TDRD1: variants seen among roughly 807,000 people sequenced by gnomAD.
TDRD1 encodes tudor domain-containing protein 1.
TDRD1 carries 37 observed loss-of-function variants against 140.6 expected under a neutral mutation model. The observed-to-expected ratio is 0.26, with a 90% confidence interval of 0.20 to 0.35. TDRD1 has a LOEUF of 0.35. Ranked by LOEUF, TDRD1 falls within the 10% of genes least tolerant of loss-of-function variation. TDRD1 has a pLI of 1.00. For synonymous variants in TDRD1, 506 were observed against 475.7 expected (o/e 1.06, Z -0.83); for missense variants, 1,243 against 1,393.0 (o/e 0.89, Z 1.71).
rs1350797191 is a variant in TDRD1, at chr10:114,206,347, A to G, written c.1384+17A>G. 6 of 1,597,324 alleles carry G rather than the reference A, an allele frequency of 3.8e-6. No individual in the cohort carries two copies. The highest frequency in any genetic ancestry group is 2.2e-5 in the South Asian group (2 of 90,606). On this transcript the variant is annotated intron_variant, in intron 11 of 25. Coordinates refer to ENST00000251864, the Ensembl canonical transcript of TDRD1. ...CAGATCAAAGTGAGTATAGATTGAT[A>G]TTGAACGGTATAGCGACTTCAGTTA...
chr10:114,176,359 A>G (rs950996650), upstream of TDRD1, among the ~76,000 whole-genome samples: 1 of 152,084 alleles, frequency 6.6e-6, no homozygotes, highest in East Asian at 1.9e-4. This position sits in a 1 kb window ranked among gnomAD's most constrained non-coding sequence, Gnocchi z 4.2. Flanking sequence ...TTAAAGAGAA[A>G]CCCCTTTTTA....
exon 2 of TDRD1, chr10:114,188,124 G>T (rs376661712): frequency 6.3e-7 from 1 of 1,592,678 alleles, no homozygotes; most frequent in South Asian, 1.1e-5. Context: ...GAAGTAGTTG[G>T]CTCCAAAGGA....
At chr10:114,204,106 G>T (rs1336520059) in exon 9 of TDRD1, 2 of 1,607,112 alleles carry the variant, frequency 1.2e-6, no homozygotes, top group South Asian at 2.2e-5. Context: ...AAACGTTGAT[G>T]TGCAGCAAAA....
chr10:114,231,453 G>A, intron 25 of TDRD1: 1 of 1,568,552 alleles, frequency 6.4e-7, no homozygotes, highest in Non-Finnish European at 8.7e-7. Context: ...TTTGTGTAAG[G>A]CATAATGATA....
At chr10:114,218,466 T>C (rs542040132) in exon 18 of TDRD1, 10 of 1,611,292 alleles carry the variant, frequency 6.2e-6, no homozygotes, top group Non-Finnish European at 7.6e-6. Flanking sequence ...CAAATGGACA[T>C]GTTAAAGTAC....
intron 11 of TDRD1, among the ~76,000 whole-genome samples, chr10:114,209,136 T>C (rs542950594): frequency 6.6e-6 from 1 of 152,222 alleles, no homozygotes; most frequent in Admixed American, 6.5e-5. Context: ...GGAGGAGGGC[T>C]TGGAGACCAG....
intron 2 of TDRD1, 111 bp downstream of exon 2, chr10:114,188,267 T>C (rs1378092808): frequency 8.1e-6 from 7 of 867,214 alleles, no homozygotes; most frequent in Non-Finnish European, 1.2e-5. Context: ...GGCACATGAC[T>C]ACCTTACCGT....
At chr10:114,220,040 G>T (rs1317684100) in intron 18 of TDRD1, among the ~76,000 whole-genome samples, 1 of 152,146 alleles carries the variant, frequency 6.6e-6, no homozygotes, top group Non-Finnish European at 1.5e-5. Context: ...AGAAACTCTG[G>T]GTAGGGCCCC....
chr10:114,216,587 C>A (rs933965272), intron 16 of TDRD1, among the ~76,000 whole-genome samples: 20 of 152,152 alleles, frequency 1.3e-4, no homozygotes, highest in African/African-American at 4.8e-4. Flanking sequence ...GGTTTCCAAG[C>A]TTTTATTACT....
At chr10:114,197,172 C>G (rs549506798) in intron 3 of TDRD1, among the ~76,000 whole-genome samples, 23 of 152,122 alleles carry the variant, frequency 1.5e-4, no homozygotes, top group African/African-American at 5.5e-4. Context: ...GAGTATTTCT[C>G]AGCCCTACCT....
exon 2 of TDRD1, chr10:114,187,828 C>G: frequency 6.4e-7 from 1 of 1,566,030 alleles, no homozygotes; most frequent in Non-Finnish European, 8.6e-7. Context: ...CTCCTTAGGC[C>G]TCGATGAGTG....
intron 17 of TDRD1, among the ~76,000 whole-genome samples, chr10:114,218,099 C>G (rs1440009896): frequency 6.6e-6 from 1 of 152,158 alleles, no homozygotes; most frequent in Non-Finnish European, 1.5e-5. Flanking sequence ...TTATACATCT[C>G]CAAAACTGAC....
downstream of TDRD1, among the ~76,000 whole-genome samples, chr10:114,232,589 AGTT>A (rs2036815680): frequency 6.7e-6 from 1 of 149,986 alleles, no homozygotes; most frequent in South Asian, 2.1e-4. Context: ...TCATGTAAAA[AGTT>A]GTTAAAACAC....
intron 11 of TDRD1, among the ~76,000 whole-genome samples, chr10:114,206,607 G>GTTTTT (rs1299669109): frequency 7.2e-6 from 1 of 138,166 alleles, no homozygotes; most frequent in Non-Finnish European, 1.5e-5. Flanking sequence ...TAGAGTTAGG[G>GTTTTT]TTTGTTTTTT....
intron 12 of TDRD1, 36 bp downstream of exon 12, chr10:114,210,784 A>G: frequency 6.2e-7 from 1 of 1,611,014 alleles, no homozygotes; most frequent in Non-Finnish European, 8.5e-7. Context: ...TATGAAGCTA[A>G]AATACTTCAA....
chr10:114,212,191 G>T (rs2035529056), intron 14 of TDRD1, among the ~76,000 whole-genome samples, 155 bp downstream of exon 14: 1 of 152,146 alleles, frequency 6.6e-6, no homozygotes, highest in Non-Finnish European at 1.5e-5. Flanking sequence ...AAAGAAATCA[G>T]AGATTTCTTT....
At chr10:114,213,980 C>T (rs2035649967) in exon 16 of TDRD1, 3 of 1,613,768 alleles carry the variant, frequency 1.9e-6, no homozygotes, top group African/African-American at 1.3e-5. Flanking sequence ...TTCACAGTTC[C>T]CTTGGGTGTG....
chr10:114,189,732 C>T (rs578242099), intron 2 of TDRD1, among the ~76,000 whole-genome samples: 27 of 152,282 alleles, frequency 1.8e-4, no homozygotes, highest in African/African-American at 5.5e-4. Flanking sequence ...CCTGGGATTA[C>T]GGGCATGAAC....
chr10:114,211,775 A>G (rs1244102985), intron 13 of TDRD1, 91 bp from the exon 14 acceptor site: 7 of 1,284,484 alleles, frequency 5.4e-6, no homozygotes, highest in Non-Finnish European at 7.2e-6. Flanking sequence ...AGAAAAATCT[A>G]TAAATGACCA....
Sources: gnomAD v4.1 joint callset for allele counts (sites outside exome capture counted in the v4.1 genomes callset) on GRCh38, gnomAD v4.1.1 for gene constraint, Gnocchi (gnomAD v3.1) non-coding constraint, MANE v1.5 for transcripts, NCBI Gene and HGNC (gene_info 2026-07-23, HGNC 2026-07-21) for gene names.